ANK2: variants seen among roughly 807,000 people sequenced by gnomAD.
ANK2 encodes the protein ankyrin-2.
A neutral mutation model predicts 360.5 loss-of-function variants in ANK2; 83 were observed. That is an observed-to-expected ratio of 0.23 (90% CI 0.19 to 0.28). The LOEUF is 0.28. ANK2 is among the 10% of genes least tolerant of loss of function. The pLI is 1.00. For synonymous variants in ANK2, 1,740 were observed against 1,759.5 expected (o/e 0.99, Z 0.28); for missense variants, 4,201 against 4,795.7 (o/e 0.88, Z 3.66).
intron 2 of ANK2, among the ~76,000 whole-genome samples, chr4:112,959,454 T>A (rs1004055668): frequency 7.2e-5 from 11 of 152,178 alleles, no homozygotes; most frequent in Non-Finnish European, 1.5e-4. Flanking sequence ...AAAAATTATT[T>A]TAAAATTTGT....
chr4:113,269,703 G>A (rs1048039834), intron 14 of ANK2, among the ~76,000 whole-genome samples: 3 of 104,640 alleles, frequency 2.9e-5, no homozygotes, highest in African/African-American at 1.1e-4. Context: ...ATCTGCAGAT[G>A]GGAGCTGTTC....
chr4:112,996,876 CT>C (rs1203269297), intron 2 of ANK2, among the ~76,000 whole-genome samples: 1 of 152,048 alleles, frequency 6.6e-6, no homozygotes, highest in African/African-American at 2.4e-5. Flanking sequence ...CATTAACTGT[CT>C]CTACCTCCCC....
At chr4:112,895,955 C>T (rs1391135356) in intron 1 of ANK2, among the ~76,000 whole-genome samples, 1 of 152,168 alleles carries the variant, frequency 6.6e-6, no homozygotes, top group African/African-American at 2.4e-5. Flanking sequence ...TCTACATTGC[C>T]CCAATTGTGT....
the ANK2 span, among the ~76,000 whole-genome samples, chr4:112,707,502 CT>C: frequency 6.6e-6 from 1 of 151,734 alleles, no homozygotes; most frequent in Non-Finnish European, 1.5e-5. Context: ...TGGAGCTATT[CT>C]TTTTTTTATT....
chr4:113,077,012 A>AGAAG lies in ANK2; in HGVS notation c.84+27222_84+27225dup, dbSNP rs141438391. ...AAAGGAAAAAGAAGGAAGGAAGGAAAGAAGGAAGGAAGGAAGGAAGGAAGG... is the reference window on the plus strand; with the variant it reads ...AAAGGAAAAAGAAGGAAGGAAGGAAAGAAGGAAGGAAGGAAGGAAGGAAGGAAGG... On this transcript the variant is annotated intron_variant, in intron 1 of 45. Coordinates refer to ENST00000357077, the MANE Select transcript of ANK2 (RefSeq NM_001148.6). 2.6e-3 allele frequency among the ~76,000 whole-genome samples: 401 copies of AGAAG among 151,422 alleles called. 2 individuals carry two copies. The highest frequency in any genetic ancestry group is 6.4e-3 in the Admixed American group (98 of 15,198).
At chr4:113,116,532 G>T (rs2094799188) in intron 1 of ANK2, among the ~76,000 whole-genome samples, 1 of 152,228 alleles carries the variant, frequency 6.6e-6, no homozygotes, top group African/African-American at 2.4e-5. Flanking sequence ...TGCCACGGCA[G>T]TGGCAAGTAA....
the ANK2 span, among the ~76,000 whole-genome samples, chr4:112,738,107 A>G: frequency 6.6e-6 from 1 of 152,216 alleles, no homozygotes; most frequent in Non-Finnish European, 1.5e-5. Context: ...CACTGTGGAT[A>G]CACAATTGAA....
chr4:113,058,300 A>G (rs1309061853), intron 1 of ANK2, among the ~76,000 whole-genome samples: 1 of 152,164 alleles, frequency 6.6e-6, no homozygotes, highest in African/African-American at 2.4e-5. Flanking sequence ...TTAAAAAGAA[A>G]TTGTGAACCA....
intron 1 of ANK2, among the ~76,000 whole-genome samples, chr4:112,829,566 C>A (rs1357400466): frequency 2.1e-5 from 3 of 143,962 alleles, no homozygotes; most frequent in Non-Finnish European, 4.5e-5. Context: ...AGGCGGCCAA[C>A]AGGCATATGA....
At chr4:112,915,058 T>A (rs906729393) in intron 2 of ANK2, among the ~76,000 whole-genome samples, 1 of 152,210 alleles carries the variant, frequency 6.6e-6, no homozygotes, top group African/African-American at 2.4e-5. Context: ...CTAAAGTTTA[T>A]GACTAAATTT....
intron 2 of ANK2, among the ~76,000 whole-genome samples, chr4:113,007,406 CT>C (rs1043015060): frequency 6.6e-6 from 1 of 152,166 alleles, no homozygotes; most frequent in Non-Finnish European, 1.5e-5. Context: ...GACAACTACA[CT>C]CAGAAACTGT....
intron 1 of ANK2, among the ~76,000 whole-genome samples, chr4:113,104,012 A>G (rs572547351): frequency 2.0e-5 from 3 of 152,296 alleles, no homozygotes; most frequent in Admixed American, 6.5e-5. Context: ...TTAAAATACC[A>G]AGGGTCTCGG....
intron 15 of ANK2, among the ~76,000 whole-genome samples, chr4:113,275,670 A>G (rs1168244901): frequency 5.9e-5 from 9 of 151,896 alleles, no homozygotes; most frequent in Non-Finnish European, 1.2e-4. Context: ...ATTGACAATT[A>G]TTGAAGTTCT....
chr4:113,043,698 T>A (rs1367804625), intron 2 of ANK2, among the ~76,000 whole-genome samples: 1 of 152,324 alleles, frequency 6.6e-6, no homozygotes, highest in East Asian at 1.9e-4. Flanking sequence ...TCTTAGGGAA[T>A]GTCAAAAAAG....
In ANK2 at chr4:113,087,401, A is replaced by G. The variant is rs144698567; in HGVS notation, c.84+37589A>G. ...AATTGTAAAGGTTCCAAGTTTAAAA[A>G]TTTTCCAAACTTTACAATAAAGTAT... On this transcript the variant is annotated intron_variant, in intron 1 of 45. Transcript: ENST00000357077. Among the ~76,000 whole-genome samples, 1,048 of 152,178 alleles carry G rather than the reference A, an allele frequency of 6.9e-3. 6 individuals carry two copies. The highest frequency in any genetic ancestry group is 0.024 in the African/African-American group (992 of 41,516).
chr4:112,939,339 C>T (rs1398141483), intron 2 of ANK2, among the ~76,000 whole-genome samples: 1 of 152,082 alleles, frequency 6.6e-6, no homozygotes, highest in Non-Finnish European at 1.5e-5. Context: ...GACGGAGTTT[C>T]ACTCTTGTTG....
At chr4:112,761,771 A>T in the ANK2 span, among the ~76,000 whole-genome samples, 4 of 152,316 alleles carry the variant, frequency 2.6e-5, no homozygotes, top group East Asian at 3.9e-4. Flanking sequence ...TACCATACTC[A>T]TACTGTTGCA....
At chr4:113,303,894 G>A (rs1176718541) in intron 23 of ANK2, among the ~76,000 whole-genome samples, 2 of 152,156 alleles carry the variant, frequency 1.3e-5, no homozygotes, top group Non-Finnish European at 2.9e-5. Context: ...TATTAAAGAT[G>A]TTTCTTTAGG....
At chr4:112,986,553 G>A (rs1036929768) in intron 2 of ANK2, among the ~76,000 whole-genome samples, 1 of 152,108 alleles carries the variant, frequency 6.6e-6, no homozygotes, top group Non-Finnish European at 1.5e-5. Flanking sequence ...TTGACTCAGG[G>A]GAAGAATCTT....
Sources: gnomAD v4.1 joint callset for allele counts (sites outside exome capture counted in the v4.1 genomes callset) on GRCh38, gnomAD v4.1.1 for gene constraint, MANE v1.5 for transcripts, NCBI Gene and HGNC (gene_info 2026-07-23, HGNC 2026-07-21) for gene names.